The following PBLD variants were observed in gnomAD, a reference collection of about 807,000 sequenced individuals.
PBLD encodes phenazine biosynthesis-like domain-containing protein.
In PBLD, 26 loss-of-function variants were observed where a neutral mutation model predicts 31.3. The observed-to-expected ratio is 0.83, with a 90% CI of 0.61 to 1.15. The LOEUF (loss-of-function observed/expected upper bound fraction) is 1.15, where lower values mean the gene tolerates loss of function less well. Ranked by LOEUF, PBLD falls within the 50% of genes most tolerant of loss-of-function variation. The pLI is 0.00. For missense variants in PBLD, 307 were observed against 351.7 expected (o/e 0.87, Z 1.02); for synonymous variants, 114 against 129.0 (o/e 0.88, Z 0.79).
chr10:68,307,750 C>T (rs1359048650), intron 1 of PBLD, among the ~76,000 whole-genome samples: 1 of 152,114 alleles, frequency 6.6e-6, no homozygotes, highest in African/African-American at 2.4e-5. Context: ...CCACCCGCCT[C>T]GGCCTCCCAA....
chr10:68,295,494 G>GAAAA (rs11390819), intron 4 of PBLD, among the ~76,000 whole-genome samples: 1 of 127,610 alleles, frequency 7.8e-6, no homozygotes, highest in South Asian at 2.5e-4. Flanking sequence ...CCCCATCTCA[G>GAAAA]AAAAAAAAAA....
chr10:68,320,573 C>T (rs1254847367), intron 1 of PBLD, among the ~76,000 whole-genome samples: 3 of 152,144 alleles, frequency 2.0e-5, no homozygotes, highest in Admixed American at 6.6e-5. Flanking sequence ...TCTCTAGACT[C>T]TTATAATACC....
At chr10:68,326,630 CA>C (rs2044925068) in intron 1 of PBLD, among the ~76,000 whole-genome samples, 1 of 152,100 alleles carries the variant, frequency 6.6e-6, no homozygotes, top group South Asian at 2.1e-4. Context: ...AGGAATGAAC[CA>C]GATTCATTAA....
At chr10:68,297,302 C>A (rs1411175122) in intron 2 of PBLD, among the ~76,000 whole-genome samples, 1 of 152,162 alleles carries the variant, frequency 6.6e-6, no homozygotes, top group Admixed American at 6.5e-5. Flanking sequence ...AAACAATCTC[C>A]ACACAAGGAA....
At chr10:68,286,565 C>T (rs533317701) in intron 8 of PBLD, among the ~76,000 whole-genome samples, 1 of 152,158 alleles carries the variant, frequency 6.6e-6, no homozygotes, top group East Asian at 1.9e-4. Flanking sequence ...TCTGAAACTC[C>T]TGGCCTCATG....
In PBLD at chr10:68,330,203, G is replaced by A. The variant is rs187055321; in HGVS notation, c.-60+2581C>T. Among the ~76,000 whole-genome samples, 257 of 152,122 alleles carry A rather than the reference G, an allele frequency of 1.7e-3. 1 individual carries two copies. Among genetic ancestry groups the A allele is most frequent in the African/African-American group, 6.0e-3 (247 of 41,490 alleles). On this transcript the variant is annotated intron_variant, in intron 1 of 9. Transcript: ENST00000358769. ...GGGGGTATGTGAGCATCATGACTTA[G>A]GGAATTCTTACTGCCCCACACTCGT...
chr10:68,314,382 A>G (rs1386446635), intron 1 of PBLD, among the ~76,000 whole-genome samples: 1 of 152,184 alleles, frequency 6.6e-6, no homozygotes, highest in East Asian at 1.9e-4. Context: ...CTTGGTCCAC[A>G]TATTCTTTAC....
intron 1 of PBLD, among the ~76,000 whole-genome samples, chr10:68,330,130 C>CA (rs1303447151): frequency 1.3e-5 from 2 of 152,092 alleles, no homozygotes; most frequent in Non-Finnish European, 2.9e-5. Flanking sequence ...ATGATGATAA[C>CA]ACTGTCCTTT....
At chr10:68,296,506 C>T in intron 3 of PBLD, 142 bp from the exon 4 acceptor site, 1 of 644,970 alleles carries the variant, frequency 1.6e-6, no homozygotes, top group Admixed American at 2.9e-5. Flanking sequence ...GATGGCTAGG[C>T]AAGCATCCTA....
intron 1 of PBLD, among the ~76,000 whole-genome samples, chr10:68,328,304 T>C (rs1265670374): frequency 6.6e-6 from 1 of 152,238 alleles, no homozygotes; most frequent in Non-Finnish European, 1.5e-5. Context: ...TACTTCACAA[T>C]GCCACTGGGG....
intron 6 of PBLD, among the ~76,000 whole-genome samples, chr10:68,290,445 C>T (rs1402959816): frequency 4.6e-5 from 7 of 152,100 alleles, no homozygotes; most frequent in Non-Finnish European, 5.9e-5. Flanking sequence ...GGGGTGGGCG[C>T]GGTGGCTCAC....
chr10:68,284,282 C>T lies in PBLD; in HGVS notation c.762G>A (p.Gln254=). The change falls in exon 10 of 10, where the codon CAG becomes CAA. Residue 254 remains glutamine (Q), a synonymous_variant. Transcript: ENST00000358769. ...CCAGCTCTCCTCCTCGGTGGGAACACTGAAAAGCTAAAGAAAACAAACAGG... is the reference window on the plus strand; with the variant it reads ...CCAGCTCTCCTCCTCGGTGGGAACATTGAAAAGCTAAAGAAAACAAACAGG... ...HLGKKEMHAF[Q]CSHRGGELGI... 1.2e-6 allele frequency: 2 copies of T among 1,613,164 alleles called. No homozygotes were observed. The highest frequency in any genetic ancestry group is 1.1e-5 in the South Asian group (1 of 91,032).
At chr10:68,330,411 C>G (rs1281851623) in intron 1 of PBLD, among the ~76,000 whole-genome samples, 1 of 152,210 alleles carries the variant, frequency 6.6e-6, no homozygotes, top group East Asian at 1.9e-4. Flanking sequence ...GTCTGTACCA[C>G]AAAGTTGAAA....
Position 68,296,203 on chromosome 10 carries a change from G to A in PBLD, c.283+63C>T, listed in dbSNP as rs2044424350. 4 of 1,241,784 alleles carry A rather than the reference G, an allele frequency of 3.2e-6. No individual in the cohort carries two copies. In the South Asian group the frequency reaches 5.4e-5, roughly 17 times the overall value. The allele number at this position is 1,241,784 out of a possible 1,614,324, so 76.9% of individuals were successfully genotyped here. ...TTGGACCATCAGAAAAAGTGTGTGT[G>A]AGAACTTAAAAAAAAAAAAGCCATT... On this transcript the variant is annotated intron_variant, in intron 4 of 9. Coordinates refer to ENST00000358769, the MANE Select transcript of PBLD (RefSeq NM_022129.4).
At chr10:68,302,586 T>C (rs1052934804) in intron 2 of PBLD, among the ~76,000 whole-genome samples, 5 of 152,170 alleles carry the variant, frequency 3.3e-5, no homozygotes, top group Non-Finnish European at 5.9e-5. Flanking sequence ...GCAGTGGCTC[T>C]TGTCCAAGCA....
intron 1 of PBLD, among the ~76,000 whole-genome samples, chr10:68,309,597 C>A (rs1203133792): frequency 6.7e-6 from 1 of 149,390 alleles, no homozygotes; most frequent in Non-Finnish European, 1.5e-5. Flanking sequence ...ATCACGAGGT[C>A]AGGAGATCGA....
Position 68,315,042 on chromosome 10 carries a change from G to A in PBLD, c.-59-8139C>T, listed in dbSNP as rs552622390. On this transcript the variant is annotated intron_variant, in intron 1 of 9. Coordinates refer to ENST00000358769, the MANE Select transcript of PBLD (RefSeq NM_022129.4). ...TGACCTCAGGTGATCTGCCCACCTCGGCCTCCCAAAGTGCTGGGATCACAG... is the reference window on the plus strand; with the variant it reads ...TGACCTCAGGTGATCTGCCCACCTCAGCCTCCCAAAGTGCTGGGATCACAG... Among the ~76,000 whole-genome samples the A allele has an allele frequency of 4.6e-5, 7 of 152,002 alleles. No individual in the cohort carries two copies. The East Asian group carries it at 5.8e-4, about 13-fold the overall frequency.
At chr10:68,332,542 T>G (rs1475765516) in intron 1 of PBLD, among the ~76,000 whole-genome samples, 1 of 152,220 alleles carries the variant, frequency 6.6e-6, no homozygotes, top group East Asian at 1.9e-4. Flanking sequence ...CTTCCCGCCC[T>G]TCCCCGCTCT....
At chr10:68,317,553 T>C (rs989843177) in intron 1 of PBLD, among the ~76,000 whole-genome samples, 1 of 151,988 alleles carries the variant, frequency 6.6e-6, no homozygotes, top group Non-Finnish European at 1.5e-5. Context: ...ATCCCAGCAC[T>C]TTGGGAGGCC....
Sources: allele counts gnomAD v4.1 joint callset (sites outside exome capture counted in the v4.1 genomes callset), GRCh38; gene constraint gnomAD v4.1.1; transcripts MANE v1.5; gene names NCBI Gene and HGNC (gene_info 2026-07-23, HGNC 2026-07-21).